GNA12: variants seen among roughly 807,000 people sequenced by gnomAD.
GNA12 encodes the protein G protein subunit alpha 12.
A neutral mutation model predicts 26.0 loss-of-function variants in GNA12; 9 were observed. The observed-to-expected ratio is 0.35, with a 90% confidence interval of 0.21 to 0.60. The LOEUF (loss-of-function observed/expected upper bound fraction) is 0.60, where lower values mean the gene tolerates loss of function less well. GNA12 is among the 20% of genes least tolerant of loss of function. The pLI is 0.78. For synonymous variants in GNA12, 264 were observed against 219.6 expected (o/e 1.20, Z -1.79); for missense variants, 405 against 525.8 (o/e 0.77, Z 2.25).
Position 2,762,752 on chromosome 7 carries a change from A to C in GNA12, c.526-29251T>G, listed in dbSNP as rs761389205. 1.9e-5 allele frequency: 30 copies of C among 1,552,128 alleles called. No individual in the cohort carries two copies. The South Asian group carries it at 3.2e-4, about 17-fold the overall frequency. On this transcript the variant is annotated intron_variant, in intron 2 of 3. Coordinates refer to ENST00000275364, the MANE Select transcript of GNA12 (RefSeq NM_007353.3). The stretch of plus-strand genomic sequence containing the variant: ...ATGTCCTCCCTCCCGCAGGAAGTGC[A>C]CCAGGCCCGTCCTTTCCACCCAGGC...
intron 2 of GNA12, among the ~76,000 whole-genome samples, chr7:2,741,954 T>C (rs1387318695): frequency 6.6e-6 from 1 of 151,950 alleles, no homozygotes; most frequent in Non-Finnish European, 1.5e-5. Context: ...GCACAGAATT[T>C]AGTATATTAC....
chr7:2,818,621 G>A (rs1793269421), intron 1 of GNA12, among the ~76,000 whole-genome samples: 1 of 152,116 alleles, frequency 6.6e-6, no homozygotes, highest in African/African-American at 2.4e-5. Context: ...ACAATATTTG[G>A]GCATGGTGGC....
At chr7:2,762,207 GAGA>G (rs1791591874) in intron 2 of GNA12, 1 of 171,652 alleles carries the variant, frequency 5.8e-6, no homozygotes, top group African/African-American at 2.4e-5. Context: ...TCGTTTCTAG[GAGA>G]AGTTGTAAGG....
In GNA12 at chr7:2,763,490, G is replaced by C. The variant is rs556825332; in HGVS notation, c.526-29989C>G. Among the ~76,000 whole-genome samples the C allele has an allele frequency of 2.0e-5, 3 of 152,364 alleles. No homozygotes were observed. The South Asian group carries it at 6.2e-4, about 32-fold the overall frequency. On this transcript the variant is annotated intron_variant, in intron 2 of 3. Coordinates refer to ENST00000275364, the MANE Select transcript of GNA12 (RefSeq NM_007353.3). ...CCGAGCTCCCTCAACCCCGGCAGCA[G>C]TGCTGCTCTATGGCTGAGGATGAAG...
At position 2,837,208 on chromosome 7, in the gene GNA12, G is replaced by A. The variant is rs1404198658; in HGVS notation, c.309+6645C>T. Among the ~76,000 whole-genome samples the A allele has an allele frequency of 2.2e-5, 3 of 139,060 alleles. No homozygotes were observed. The East Asian group carries it at 7.6e-4, about 35-fold the overall frequency. 91.2% of individuals were successfully genotyped at this position (139,060 alleles called of 152,430 possible). ...CCCCCACCACGAGGCAGAAAGAGGG[G>A]ATGGGAGGGTGGGAGGGGGGAAGGC... On this transcript the variant is annotated intron_variant, in intron 1 of 3. Coordinates refer to ENST00000275364, the MANE Select transcript of GNA12 (RefSeq NM_007353.3).
At chr7:2,806,275 T>TC (rs1193313663) in intron 1 of GNA12, among the ~76,000 whole-genome samples, 2 of 151,934 alleles carry the variant, frequency 1.3e-5, no homozygotes, top group African/African-American at 4.8e-5. Flanking sequence ...GGTCAGGAGT[T>TC]CGAGACCAGC....
In GNA12 at chr7:2,844,291, C is replaced by A; in HGVS notation, c.-130G>T. 3.3e-6 allele frequency: 1 copy of A among 304,290 alleles called. No individual in the cohort carries two copies. The highest frequency in any genetic ancestry group is 4.8e-6 in the Non-Finnish European group (1 of 208,676). The allele number at this position is 304,290 out of a possible 1,614,324, so 18.8% of individuals were successfully genotyped here. On this transcript the variant is annotated 5_prime_UTR_variant, in exon 1 of 4. Coordinates refer to ENST00000275364, the MANE Select transcript of GNA12 (RefSeq NM_007353.3). ...CGCCTCAGGCCGCGTCCGCCGCCGC[C>A]GCTGCAGTCGCTCCGAGGCCCGCAC...
At position 2,840,781 on chromosome 7, in the gene GNA12, C is replaced by T. The variant is rs148757776; in HGVS notation, c.309+3072G>A. On this transcript the variant is annotated intron_variant, in intron 1 of 3. Transcript: ENST00000275364. ...GGGAGGATTGCTTGAGCCCACGAGG[C>T]GACGCAAGGCCACAGTGAGCCATAA... is the stretch of plus-strand genomic sequence containing the variant. Among the ~76,000 whole-genome samples the T allele has an allele frequency of 2.5e-3, 383 of 152,028 alleles. 4 individuals are homozygous for T. The highest frequency in any genetic ancestry group is 8.0e-3 in the African/African-American group (330 of 41,436).
intron 1 of GNA12, among the ~76,000 whole-genome samples, chr7:2,796,793 A>G (rs1792688643): frequency 6.6e-6 from 1 of 152,244 alleles, no homozygotes; most frequent in South Asian, 2.1e-4. Context: ...TAACTAACAT[A>G]GTATTAGGGA....
chr7:2,811,823 A>T (rs4719683), intron 1 of GNA12, among the ~76,000 whole-genome samples: 117 of 152,280 alleles, frequency 7.7e-4, no homozygotes, highest in African/African-American at 2.6e-3. Flanking sequence ...CTGACAGCTG[A>T]AAAGACAGTC....
At chr7:2,773,029 T>A (rs1392745596) in intron 2 of GNA12, among the ~76,000 whole-genome samples, 2 of 152,154 alleles carry the variant, frequency 1.3e-5, no homozygotes, top group African/African-American at 4.8e-5. Flanking sequence ...AGCTAAACGA[T>A]TCCATTTAAA....
intron 1 of GNA12, among the ~76,000 whole-genome samples, chr7:2,813,586 A>G (rs1405430540): frequency 6.6e-6 from 1 of 152,224 alleles, no homozygotes; most frequent in Non-Finnish European, 1.5e-5. Context: ...GGGAAAAAAA[A>G]ACAAACAAAC....
chr7:2,768,666 T>TAAAAAAA (rs924965749), intron 2 of GNA12, among the ~76,000 whole-genome samples: 14 of 91,776 alleles, frequency 1.5e-4, no homozygotes, highest in African/African-American at 4.6e-4. Flanking sequence ...GCTCTCAAGG[T>TAAAAAAA]AAAAAAAAAA....
chr7:2,776,935 G>T (rs1792092434), intron 2 of GNA12, among the ~76,000 whole-genome samples: 1 of 149,180 alleles, frequency 6.7e-6, no homozygotes, highest in South Asian at 2.1e-4. Flanking sequence ...GGGTGACAGA[G>T]ACTCTGTCTC....
chr7:2,812,096 T>C (rs1793094889), intron 1 of GNA12, among the ~76,000 whole-genome samples: 1 of 152,240 alleles, frequency 6.6e-6, no homozygotes, highest in African/African-American at 2.4e-5. Flanking sequence ...TCAAGAGAAC[T>C]TGCGTTTCAG....
intron 2 of GNA12, among the ~76,000 whole-genome samples, chr7:2,757,511 C>A (rs960851290): frequency 2.0e-5 from 3 of 152,080 alleles, no homozygotes; most frequent in Admixed American, 6.6e-5. Context: ...TCTGCCAGTA[C>A]CAGTGAGCTT....
At chr7:2,824,661 C>T (rs1275291143) in intron 1 of GNA12, among the ~76,000 whole-genome samples, 2 of 152,226 alleles carry the variant, frequency 1.3e-5, no homozygotes, top group African/African-American at 4.8e-5. Context: ...TAAATATCAG[C>T]TGATTCACCG....
At chr7:2,776,226 G>A (rs985249702) in intron 2 of GNA12, among the ~76,000 whole-genome samples, 7 of 152,150 alleles carry the variant, frequency 4.6e-5, no homozygotes, top group African/African-American at 9.7e-5. Context: ...GTGAGCCACC[G>A]CGCCCAGCCA....
intron 2 of GNA12, among the ~76,000 whole-genome samples, chr7:2,755,004 G>C (rs1009490674): frequency 1.3e-5 from 2 of 152,174 alleles, no homozygotes; most frequent in Non-Finnish European, 2.9e-5. Flanking sequence ...CTTCCCTACA[G>C]AGACAGTCCA....
Sources: allele counts gnomAD v4.1 joint callset (sites outside exome capture counted in the v4.1 genomes callset), GRCh38; gene constraint gnomAD v4.1.1; transcripts MANE v1.5; gene names NCBI Gene and HGNC (gene_info 2026-07-23, HGNC 2026-07-21).